Variants in KCNT1 observed in about 807,000 individuals in gnomAD.
KCNT1 encodes potassium channel subfamily T member 1.
KCNT1 carries 78 observed loss-of-function variants against 147.8 expected under a neutral mutation model. That is an observed-to-expected ratio of 0.53 (90% CI 0.44 to 0.64). The LOEUF is 0.64. Ranked by LOEUF, KCNT1 falls within the 30% of genes least tolerant of loss-of-function variation. The probability of loss-of-function intolerance (pLI) is 0.00; values close to 1 mark genes in which losing one functional copy is unlikely to be tolerated. For missense variants in KCNT1, 1,419 were observed against 1,750.3 expected (o/e 0.81, Z 3.38); for synonymous variants, 867 against 748.8 (o/e 1.16, Z -2.58).
At chr9:135,758,843 G>C (rs1487599754) in intron 10 of KCNT1, among the ~76,000 whole-genome samples, 1 of 152,240 alleles carries the variant, frequency 6.6e-6, no homozygotes, top group Non-Finnish European at 1.5e-5. Flanking sequence ...CTGAAAGCAG[G>C]GTCTGGAGGC....
intron 2 of KCNT1, among the ~76,000 whole-genome samples, chr9:135,742,209 G>A (rs1374588210): frequency 6.6e-6 from 1 of 152,232 alleles, no homozygotes; most frequent in Non-Finnish European, 1.5e-5. Context: ...GCTGGCGGGT[G>A]CCTCACCCGC....
At chr9:135,708,230 A>G (rs1485162174) in intron 1 of KCNT1, among the ~76,000 whole-genome samples, 1 of 152,144 alleles carries the variant, frequency 6.6e-6, no homozygotes, top group African/African-American at 2.4e-5. Flanking sequence ...GCATGCACAC[A>G]TATGTCCACA....
rs767894239 is a variant in KCNT1 at position 135,750,152 on chromosome 9, G to A, written c.309G>A (p.Leu103=). The change falls in exon 3 of 31, where the codon CTG becomes CTA. Residue 103 remains leucine (L), a synonymous_variant. Transcript: ENST00000371757. ...ACACCTTCAAGGAGCGGCTCAAGCTGTTCTTCATCAAAAACCAAAGATCGA... is the reference window on the plus strand; with the variant it reads ...ACACCTTCAAGGAGCGGCTCAAGCTATTCTTCATCAAAAACCAAAGATCGA... ...NENTFKERLK[L]FFIKNQRSSL... is the part of the protein sequence containing the mutation. 1.2e-6 allele frequency: 2 copies of A among 1,613,862 alleles called. No individual in the cohort carries two copies.
intron 2 of KCNT1, among the ~76,000 whole-genome samples, chr9:135,725,513 C>T (rs917934563): frequency 3.9e-5 from 6 of 152,222 alleles, no homozygotes; most frequent in African/African-American, 7.2e-5. Context: ...GGACCCGCTA[C>T]GCTTGCGGGG....
rs562187920 is a variant in KCNT1 at position 135,769,954 on chromosome 9, G to A, written c.1518G>A (p.Val506=). ...CTCCCCCACTGCCCGCAGACCACGT[G>A]GTGTGTGAGGAGGAGTGCAAGTACG... ...NKFHVKFADH[V]VCEEECKYAM... Residue 506 remains valine (V), a synonymous_variant, in exon 16 of 31, where the codon GTG becomes GTA. Coordinates refer to ENST00000371757, the MANE Select transcript of KCNT1 (RefSeq NM_020822.3). 1.9e-6 allele frequency: 3 copies of A among 1,551,592 alleles called. No individual in the cohort carries two copies. The highest frequency in any genetic ancestry group is 4.9e-5 in the East Asian group (2 of 41,054).
chr9:135,772,963 TGGAGACGGCTCCCAGTGGGGGGA>T lies in KCNT1; in HGVS notation c.2243+19_2243+41del. 1 of 1,436,718 alleles carries T rather than the reference TGGAGACGGCTCCCAGTGGGGGGA, an allele frequency of 7.0e-7. No homozygotes were observed. The highest frequency in any genetic ancestry group is 9.1e-7 in the Non-Finnish European group (1 of 1,094,318). The allele number at this position is 1,436,718 out of a possible 1,614,324, so 89.0% of individuals were successfully genotyped here. On this transcript the variant is annotated intron_variant, in intron 19 of 30. Coordinates refer to ENST00000371757, the MANE Select transcript of KCNT1 (RefSeq NM_020822.3). The stretch of plus-strand genomic sequence containing the variant: ...CTCCGTGGTAGAGTGAGTGCTGCCT[TGGAGACGGCTCCCAGTGGGGGGA>T]GGAGCCGCCCATGAGTGCGGGGGAT...
intron 2 of KCNT1, among the ~76,000 whole-genome samples, chr9:135,731,991 T>TATATATATATATATAG (rs1276318460): frequency 1.8e-4 from 4 of 21,742 alleles, no homozygotes; most frequent in Non-Finnish European, 3.3e-4. Context: ...TATATATATA[T>TATATATATATATATAG]AGAGAGAGAG....
chr9:135,771,239 C>A, intron 18 of KCNT1, 144 bp downstream of exon 18: 1 of 732,068 alleles, frequency 1.4e-6, no homozygotes, highest in Non-Finnish European at 2.2e-6. Context: ...CCAGGCAGGA[C>A]AGGGGCAGGT....
chr9:135,735,014 A>G (rs564257701), intron 2 of KCNT1, among the ~76,000 whole-genome samples: 1 of 152,298 alleles, frequency 6.6e-6, no homozygotes, highest in East Asian at 1.9e-4. Context: ...GCCCAGCCTC[A>G]TTCTTTACAG....
chr9:135,763,714 CCTTAT>C (rs990493199), intron 11 of KCNT1, among the ~76,000 whole-genome samples: 1 of 152,184 alleles, frequency 6.6e-6, no homozygotes, highest in Non-Finnish European at 1.5e-5. Flanking sequence ...CCCAGGGTGA[CCTTAT>C]CTTAAATCAT....
At chr9:135,785,409 CCCCACCCACCCACCCA>C (rs761239589) in intron 28 of KCNT1, 79 bp downstream of exon 28, 36 of 1,437,344 alleles carry the variant, frequency 2.5e-5, no homozygotes, top group South Asian at 4.9e-5. Context: ...GCCTGCCAGG[CCCCACCCACCCACCCA>C]CCCACAGGGC....
intron 1 of KCNT1, among the ~76,000 whole-genome samples, chr9:135,713,852 G>T (rs1835606655): frequency 6.6e-6 from 1 of 152,180 alleles, no homozygotes; most frequent in African/African-American, 2.4e-5. Context: ...ACCACCAGGG[G>T]TCCTCCCACT....
At chr9:135,773,484 C>A (rs1378022847) in intron 19 of KCNT1, among the ~76,000 whole-genome samples, 1 of 152,166 alleles carries the variant, frequency 6.6e-6, no homozygotes, top group Admixed American at 6.5e-5. Context: ...CCTGTGCAAC[C>A]CCTGGGCAAG....
At chr9:135,783,140 G>C (rs1370643232) in intron 24 of KCNT1, among the ~76,000 whole-genome samples, 1 of 152,238 alleles carries the variant, frequency 6.6e-6, no homozygotes, top group Non-Finnish European at 1.5e-5. Context: ...CCACGGCCGG[G>C]TCCGGAGCCC....
At position 135,758,574 on chromosome 9, in the gene KCNT1, G is replaced by A. The variant is rs187010609; in HGVS notation, c.854+66G>A. Reference sequence around the variant, plus strand: ...GAGGGCCCGAGAGGCAAGCAGGGCCGGGCGAGGGGATACAGATGCCTATGT... The same window carrying A: ...GAGGGCCCGAGAGGCAAGCAGGGCCAGGCGAGGGGATACAGATGCCTATGT... On this transcript the variant is annotated intron_variant, in intron 10 of 30. Transcript: ENST00000371757. 7.9e-4 allele frequency: 1,028 copies of A among 1,294,092 alleles called. 13 individuals are homozygous for A. The South Asian group carries it at 0.01, about 13-fold the overall frequency. The allele number at this position is 1,294,092 out of a possible 1,614,324, so 80.2% of individuals were successfully genotyped here. A position where few individuals can be genotyped will look rare whatever the true frequency, so the allele number is the denominator to read the frequency against.
Position 135,757,401 on chromosome 9 carries a change from GC to G in KCNT1, c.759+21del, listed in dbSNP as rs765255002. On this transcript the variant is annotated intron_variant, in intron 9 of 30. Transcript: ENST00000371757. The stretch of plus-strand genomic sequence containing the variant: ...ATGATTGTAAGCCGGGGCGGGGGGT[GC>G]AGCTGGGACTTGGGGGGGCCACCCT... 1.2e-6 allele frequency: 2 copies of G among 1,601,534 alleles called. No individual in the cohort carries two copies. Among genetic ancestry groups the G allele is most frequent in the Non-Finnish European group, 1.7e-6 (2 of 1,177,990 alleles).
At position 135,732,024 on chromosome 9, in the gene KCNT1, A is replaced by AGAGAGAGAGAGAGG. The variant is rs1554766185; in HGVS notation, c.254+17317_254+17318insGGAGAGAGAGAGAG. Among the ~76,000 whole-genome samples the AGAGAGAGAGAGAGG allele has an allele frequency of 9.5e-3, 614 of 64,938 alleles. 38 individuals are homozygous for AGAGAGAGAGAGAGG. Among genetic ancestry groups the AGAGAGAGAGAGAGG allele is most frequent in the East Asian group, 0.02 (33 of 1,622 alleles). 42.6% of individuals were successfully genotyped at this position (64,938 alleles called of 152,430 possible). A position where few individuals can be genotyped will look rare whatever the true frequency, so the allele number is the denominator to read the frequency against. On this transcript the variant is annotated intron_variant, in intron 2 of 30. Coordinates refer to ENST00000371757, the MANE Select transcript of KCNT1 (RefSeq NM_020822.3). Reference sequence around the variant, plus strand: ...GAGAGAGAGAGAGAGAGAGAGAGAGAGAGAGAGAGAGAGAGAGGGAGTCTC... The same window carrying AGAGAGAGAGAGAGG: ...GAGAGAGAGAGAGAGAGAGAGAGAGAGAGAGAGAGAGAGGGAGAGAGAGAGAGAGAGGGAGTCTC...
intron 24 of KCNT1, among the ~76,000 whole-genome samples, chr9:135,781,360 C>A (rs2131559641): frequency 6.6e-6 from 1 of 152,246 alleles, no homozygotes; most frequent in African/African-American, 2.4e-5. Flanking sequence ...GGAGAGGGTG[C>A]CGTGGACCAC....
chr9:135,726,759 C>CTT (rs200450202), intron 2 of KCNT1, among the ~76,000 whole-genome samples: 17 of 110,194 alleles, frequency 1.5e-4, no homozygotes, highest in African/African-American at 5.4e-4. Context: ...CTCCCTCTCT[C>CTT]CCTCTCTCTC....
Sources: gnomAD v4.1 joint callset for allele counts (sites outside exome capture counted in the v4.1 genomes callset) on GRCh38, gnomAD v4.1.1 for gene constraint, MANE v1.5 for transcripts, NCBI Gene and HGNC (gene_info 2026-07-23, HGNC 2026-07-21) for gene names.